The following COL11A1 variants were observed in gnomAD, a reference collection of about 807,000 sequenced individuals.
COL11A1 encodes the protein collagen type XI alpha 1 chain.
A neutral mutation model predicts 265.2 loss-of-function variants in COL11A1; 74 were observed. The observed-to-expected ratio is 0.28, with a 90% CI of 0.23 to 0.34. COL11A1 has a LOEUF of 0.34. Ranked by LOEUF, COL11A1 falls within the 10% of genes least tolerant of loss-of-function variation. The probability of loss-of-function intolerance (pLI) is 1.00; values close to 1 mark genes in which losing one functional copy is unlikely to be tolerated. For missense variants in COL11A1, 2,165 were observed against 2,263.6 expected, an observed-to-expected ratio of 0.96 and a Z score of 0.88; for synonymous variants, 816 against 727.6, an observed-to-expected ratio of 1.12 and a Z score of -1.96.
chr1:103,005,956 G>A (rs553011160), intron 17 of COL11A1, 65 bp from the exon 18 acceptor site: 430 of 1,611,650 alleles, frequency 2.7e-4, no homozygotes, highest in Non-Finnish European at 3.3e-4. Context: ...GATATGTACT[G>A]CAATTTAAAT....
At chr1:103,072,274 T>A (rs550708331) in intron 4 of COL11A1, among the ~76,000 whole-genome samples, 1 of 152,084 alleles carries the variant, frequency 6.6e-6, no homozygotes, top group East Asian at 1.9e-4. Context: ...CCATGTTTAA[T>A]ATTTTTACCA....
intron 1 of COL11A1, chr1:103,100,447 A>G: frequency 6.6e-6 from 1 of 152,100 alleles, no homozygotes; most frequent in East Asian, 1.9e-4. Context: ...TCCCCTTTCA[A>G]TCCTCCACTA....
chr1:103,004,648 G>A lies in COL11A1; in HGVS notation c.1859C>T (p.Pro620Leu), dbSNP rs777479105. 1.9e-6 allele frequency: 3 copies of A among 1,610,798 alleles called. No individual in the cohort carries two copies. In the East Asian group the frequency reaches 6.7e-5, roughly 36 times the overall value. Reference protein sequence around the residue: ...GDKGHRGERGPQGPPGPPGDD... With the variant: ...GDKGHRGERGLQGPPGPPGDD... ...ACCAGGAGGACCTGGAGGACCTTGA[G>A]GACCTCGTTCACCCTGTTAAATCAA... The change falls in exon 19 of 67, where the codon CCT becomes CTT. Residue 620 changes from proline (P) to leucine (L), a missense_variant. Coordinates refer to ENST00000370096, the MANE Select transcript of COL11A1 (RefSeq NM_001854.4).
chr1:102,910,635 A>G (rs1448949956), intron 54 of COL11A1, among the ~76,000 whole-genome samples: 1 of 151,920 alleles, frequency 6.6e-6, no homozygotes, highest in Admixed American at 6.6e-5. Context: ...TAACTATGCC[A>G]TAACTCAGTG....
chr1:102,986,084 C>T (rs186737423), intron 30 of COL11A1, among the ~76,000 whole-genome samples: 99 of 152,126 alleles, frequency 6.5e-4, no homozygotes, highest in African/African-American at 2.2e-3. Context: ...TGAGATAGAA[C>T]GGTGGGGGCT....
chr1:103,036,321 CGTATATATATAT>C (rs1344425748), intron 4 of COL11A1, among the ~76,000 whole-genome samples: 235 of 20,464 alleles, frequency 0.011, no homozygotes, highest in Admixed American at 0.035. Context: ...AAGTTGCTAT[CGTATATATATAT>C]ATATATATAT....
chr1:102,983,571 G>A (rs879917599), intron 31 of COL11A1, among the ~76,000 whole-genome samples: 3 of 152,040 alleles, frequency 2.0e-5, no homozygotes, highest in Admixed American at 6.6e-5. Context: ...AGCTGGGAGA[G>A]GCAAGGACAG....
intron 50 of COL11A1, 45 bp from the exon 51 acceptor site, chr1:102,914,856 G>T: frequency 6.8e-7 from 1 of 1,462,528 alleles, no homozygotes. Context: ...GGAAAGAAGA[G>T]TTATCTTACA....
intron 46 of COL11A1, among the ~76,000 whole-genome samples, chr1:102,929,431 G>T (rs1657087309): frequency 6.6e-6 from 1 of 151,806 alleles, no homozygotes; most frequent in Non-Finnish European, 1.5e-5. Flanking sequence ...TGAGGGCTCT[G>T]TTCTGTTCCA....
intron 15 of COL11A1, 125 bp downstream of exon 15, chr1:103,008,338 C>T (rs1187115635): frequency 2.8e-6 from 2 of 720,364 alleles, no homozygotes; most frequent in East Asian, 2.7e-5. Context: ...CAAAATAAAC[C>T]CTCATACATC....
intron 4 of COL11A1, among the ~76,000 whole-genome samples, chr1:103,047,495 G>T (rs527922614): frequency 8.0e-4 from 122 of 152,324 alleles, no homozygotes; most frequent in Middle Eastern, 6.8e-3. Flanking sequence ...AGCTTAAGGA[G>T]ATTTTGGGCT....
chr1:102,902,645 T>G (rs1289568797), intron 54 of COL11A1, among the ~76,000 whole-genome samples: 2 of 151,908 alleles, frequency 1.3e-5, no homozygotes, highest in Admixed American at 1.3e-4. Context: ...ATGACCTTAC[T>G]TGGAAGGCAC....
intron 24 of COL11A1, 151 bp from the exon 25 acceptor site, chr1:102,998,514 G>A (rs1459616339): frequency 4.0e-6 from 2 of 499,166 alleles, no homozygotes; most frequent in Admixed American, 3.7e-5. Flanking sequence ...ATATTATTTG[G>A]AGGAAATGCC....
At chr1:103,042,169 G>A (rs189313189) in intron 4 of COL11A1, among the ~76,000 whole-genome samples, 12 of 151,948 alleles carry the variant, frequency 7.9e-5, no homozygotes, top group Admixed American at 7.9e-4. Flanking sequence ...AATATTTATG[G>A]AGGCAAAGTA....
At chr1:102,900,674 C>G (rs1030919877) in intron 54 of COL11A1, among the ~76,000 whole-genome samples, 3 of 151,942 alleles carry the variant, frequency 2.0e-5, no homozygotes, top group Non-Finnish European at 4.4e-5. Context: ...ACCTTTACTT[C>G]AAAGGAGAAA....
chr1:102,933,617 C>T (rs1038013156), intron 46 of COL11A1, among the ~76,000 whole-genome samples: 2 of 152,318 alleles, frequency 1.3e-5, no homozygotes, highest in East Asian at 1.9e-4. Flanking sequence ...GTGGGCTCCA[C>T]CCAGCTCGAG....
intron 9 of COL11A1, among the ~76,000 whole-genome samples, chr1:103,020,038 G>T (rs1303594888): frequency 6.7e-6 from 1 of 148,330 alleles, no homozygotes; most frequent in African/African-American, 2.5e-5. Flanking sequence ...GAATAATGCC[G>T]CAATAAACAT....
intron 31 of COL11A1, among the ~76,000 whole-genome samples, chr1:102,982,299 C>A (rs569546041): frequency 6.6e-6 from 1 of 151,780 alleles, no homozygotes; most frequent in Non-Finnish European, 1.5e-5. Context: ...AGGGAAAAAA[C>A]GGGATTTTAA....
At chr1:102,903,543 T>C (rs1440858803) in intron 54 of COL11A1, among the ~76,000 whole-genome samples, 3 of 152,158 alleles carry the variant, frequency 2.0e-5, no homozygotes, top group African/African-American at 7.2e-5. Context: ...AATTTAAGAT[T>C]AACATTTCTA....
Sources: allele counts gnomAD v4.1 joint callset (sites outside exome capture counted in the v4.1 genomes callset), GRCh38; gene constraint gnomAD v4.1.1; transcripts MANE v1.5; gene names NCBI Gene and HGNC (gene_info 2026-07-23, HGNC 2026-07-21).